CNST: variants seen among roughly 807,000 people sequenced by gnomAD.
CNST encodes the protein consortin.
A neutral mutation model predicts 72.4 loss-of-function variants in CNST; 39 were observed. The observed-to-expected ratio is 0.54, with a 90% CI of 0.42 to 0.70. CNST has a LOEUF of 0.70. CNST is among the 30% of genes least tolerant of loss of function. The pLI, the probability that CNST is intolerant of heterozygous loss-of-function variation, is 0.00. For missense variants in CNST, 871 were observed against 868.5 expected, an observed-to-expected ratio of 1.00 and a Z score of -0.04; for synonymous variants, 332 against 320.1, an observed-to-expected ratio of 1.04 and a Z score of -0.40.
chr1:246,658,606 C>T (rs570196387), intron 9 of CNST, among the ~76,000 whole-genome samples: 8 of 152,194 alleles, frequency 5.3e-5, no homozygotes, highest in South Asian at 2.1e-4. Context: ...TTATGCATAG[C>T]GCATTATCGA....
chr1:246,625,092 A>G (rs953143390), intron 3 of CNST, among the ~76,000 whole-genome samples: 1 of 152,226 alleles, frequency 6.6e-6, no homozygotes, highest in Non-Finnish European at 1.5e-5. Context: ...CCTACATAAC[A>G]TACAAGGCCA....
chr1:246,647,967 A>G lies in CNST; in HGVS notation c.1766A>G (p.Gln589Arg). The G allele has an allele frequency of 6.2e-7, 1 of 1,613,836 alleles. No homozygotes were observed. Residue 589 changes from glutamine to arginine, a missense_variant, in exon 9 of 11, where the codon CAG becomes CGG. Transcript: ENST00000366513. ...CCTGAAGAAGCATCCTATAGTCTCC[A>G]GGAGAATCTGCCTTCTGATGAGAGC... is the stretch of plus-strand genomic sequence containing the variant. ...LSPEEASYSLQENLPSDESCL... is the reference protein window; with the variant it reads ...LSPEEASYSLRENLPSDESCL...
At chr1:246,653,660 A>G (rs1389941318) in intron 9 of CNST, among the ~76,000 whole-genome samples, 1 of 152,154 alleles carries the variant, frequency 6.6e-6, no homozygotes, top group Non-Finnish European at 1.5e-5. Context: ...TGACCTCTAC[A>G]TTTTCTAATT....
chr1:246,615,530 G>A (rs1378118668), intron 2 of CNST, among the ~76,000 whole-genome samples: 1 of 151,426 alleles, frequency 6.6e-6, no homozygotes, highest in Non-Finnish European at 1.5e-5. Context: ...GGAGACTGAG[G>A]CAGGAGGATC....
chr1:246,622,074 T>C (rs1294663479), intron 3 of CNST, among the ~76,000 whole-genome samples: 1 of 152,208 alleles, frequency 6.6e-6, no homozygotes, highest in Admixed American at 6.5e-5. Flanking sequence ...TCATCACTGG[T>C]GAGCCCGGGG....
At chr1:246,606,381 G>A (rs974627305) in intron 2 of CNST, 1 of 151,988 alleles carries the variant, frequency 6.6e-6, no homozygotes, top group Non-Finnish European at 1.5e-5. Context: ...CTTTTCTGAT[G>A]TTTGAAGCGA....
intron 6 of CNST, among the ~76,000 whole-genome samples, chr1:246,636,452 T>C (rs990700206): frequency 6.6e-6 from 1 of 152,112 alleles, no homozygotes; most frequent in Non-Finnish European, 1.5e-5. Context: ...ACCCAGCAAT[T>C]GGACACATTC....
intron 10 of CNST, among the ~76,000 whole-genome samples, chr1:246,662,548 C>T (rs953280812): frequency 2.0e-5 from 3 of 152,186 alleles, no homozygotes; most frequent in African/African-American, 7.2e-5. Context: ...TCCCCGACGC[C>T]TGGCTAATTT....
chr1:246,612,554 T>C (rs1048166932), intron 2 of CNST, among the ~76,000 whole-genome samples: 1 of 152,118 alleles, frequency 6.6e-6, no homozygotes, highest in African/African-American at 2.4e-5. Flanking sequence ...TTTAAAATGT[T>C]AAATTTTGTG....
intron 1 of CNST, among the ~76,000 whole-genome samples, chr1:246,577,355 T>G (rs572012728): frequency 6.6e-6 from 1 of 152,134 alleles, no homozygotes; most frequent in East Asian, 1.9e-4. Flanking sequence ...TTATTCCGGT[T>G]CTCTTTCTAG....
chr1:246,628,336 G>C (rs1558570509), intron 3 of CNST, among the ~76,000 whole-genome samples: 1 of 152,160 alleles, frequency 6.6e-6, no homozygotes, highest in Admixed American at 6.5e-5. Context: ...GAATAAAGGA[G>C]AAATCAGAGA....
chr1:246,624,865 G>A (rs1558567783), intron 3 of CNST, among the ~76,000 whole-genome samples: 3 of 152,124 alleles, frequency 2.0e-5, no homozygotes, highest in African/African-American at 4.8e-5. Flanking sequence ...TGTTGCCCGG[G>A]CTGGTCTTTA....
intron 1 of CNST, among the ~76,000 whole-genome samples, chr1:246,586,107 A>ATGTGTGTGTGTGTGTGTG (rs1328922749): frequency 1.4e-4 from 6 of 42,262 alleles, no homozygotes; most frequent in Non-Finnish European, 2.4e-4. Context: ...ATATATATAT[A>ATGTGTGTGTGTGTGTGTG]TATATGTGTG....
rs1234675794 is a variant in CNST, at chr1:246,647,003, A to G, written c.938-136A>G. 16 of 758,834 alleles carry G rather than the reference A, an allele frequency of 2.1e-5. No homozygotes were observed. The South Asian group carries it at 2.8e-4, about 13-fold the overall frequency. The allele number at this position is 758,834 out of a possible 1,614,324, so 47.0% of individuals were successfully genotyped here. A position where few individuals can be genotyped will look rare whatever the true frequency, so the allele number is the denominator to read the frequency against. ...GGTATTTCCTCTACCTAAAGACACT[A>G]TTATGCAACAGACAGAATTTCCATT... is the stretch of plus-strand genomic sequence containing the variant. On this transcript the variant is annotated intron_variant, in intron 8 of 10. Transcript: ENST00000366513.
At position 246,667,254 on chromosome 1, in the gene CNST, C is replaced by T. The variant is rs1047012470; in HGVS notation, c.*1349C>T. ...TTACTTTCTAGTTGTTACTGGCTGGCACAGTACCTCCCTTTGTGTTTCTGC... is the reference window on the plus strand; with the variant it reads ...TTACTTTCTAGTTGTTACTGGCTGGTACAGTACCTCCCTTTGTGTTTCTGC... On this transcript the variant is annotated 3_prime_UTR_variant, in exon 11 of 11. Coordinates refer to ENST00000366513, the MANE Select transcript of CNST (RefSeq NM_152609.3). 1 of 152,144 alleles carries T rather than the reference C, an allele frequency of 6.6e-6. No homozygotes were observed. Among genetic ancestry groups the T allele is most frequent in the African/African-American group, 2.4e-5 (1 of 41,426 alleles). The allele number at this position is 152,144 out of a possible 1,614,324, so 9.4% of individuals were successfully genotyped here. A position where few individuals can be genotyped will look rare whatever the true frequency, so the allele number is the denominator to read the frequency against.
At chr1:246,650,199 T>C (rs1001623205) in intron 9 of CNST, among the ~76,000 whole-genome samples, 1 of 152,184 alleles carries the variant, frequency 6.6e-6, no homozygotes, top group African/African-American at 2.4e-5. Context: ...CTCCTCAGAC[T>C]CAAAACACAA....
Position 246,622,531 on chromosome 1 carries a change from A to G in CNST, c.585+897A>G, listed in dbSNP as rs143763584. ...AGCCTGTGAAAGCCGTGGCTGGGAT[A>G]TTATTGGAGATGAAGATGTTAAAAG... On this transcript the variant is annotated intron_variant, in intron 3 of 10. Transcript: ENST00000366513. Among the ~76,000 whole-genome samples the G allele has an allele frequency of 1.8e-3, 269 of 152,312 alleles. 1 individual carries two copies. The highest frequency in any genetic ancestry group is 6.1e-3 in the African/African-American group (254 of 41,580).
intron 1 of CNST, among the ~76,000 whole-genome samples, chr1:246,571,568 A>T (rs992887028): frequency 6.6e-6 from 1 of 152,198 alleles, no homozygotes; most frequent in Non-Finnish European, 1.5e-5. Flanking sequence ...CATCATCATT[A>T]GCCACGTGGA....
chr1:246,573,437 T>G (rs906982829), intron 1 of CNST, among the ~76,000 whole-genome samples: 2 of 152,238 alleles, frequency 1.3e-5, no homozygotes, highest in Non-Finnish European at 2.9e-5. Flanking sequence ...AAAGCTGTAT[T>G]TCAAAATAAC....
Sources: gnomAD v4.1 joint callset for allele counts (sites outside exome capture counted in the v4.1 genomes callset) on GRCh38, gnomAD v4.1.1 for gene constraint, MANE v1.5 for transcripts, NCBI Gene and HGNC (gene_info 2026-07-23, HGNC 2026-07-21) for gene names.